The following KCNH8 variants were observed in gnomAD, a reference collection of about 807,000 sequenced individuals.
The protein encoded by KCNH8 is potassium voltage-gated channel subfamily H member 8.
KCNH8 carries 70 observed loss-of-function variants against 103.6 expected under a neutral mutation model. That is an observed-to-expected ratio of 0.68 (90% CI 0.56 to 0.82). The LOEUF (loss-of-function observed/expected upper bound fraction) is 0.82, where lower values mean the gene tolerates loss of function less well. Among genes scored for constraint, KCNH8 ranks in the 40% least tolerant of loss-of-function variants. KCNH8 has a pLI of 0.00. For missense variants in KCNH8, 1,217 were observed against 1,329.9 expected, an observed-to-expected ratio of 0.92 and a Z score of 1.32; for synonymous variants, 498 against 489.4, an observed-to-expected ratio of 1.02 and a Z score of -0.23.
At chr3:19,375,917 CG>C (rs908280972) in intron 5 of KCNH8, among the ~76,000 whole-genome samples, 20 of 152,224 alleles carry the variant, frequency 1.3e-4, no homozygotes, top group African/African-American at 3.4e-4. Context: ...TTAGGCTGCT[CG>C]GGGGTCAGGG....
At chr3:19,366,090 T>C (rs1193845971) in intron 5 of KCNH8, among the ~76,000 whole-genome samples, 1 of 152,120 alleles carries the variant, frequency 6.6e-6, no homozygotes, top group African/African-American at 2.4e-5. Context: ...GAAGCTCTAG[T>C]TGAAATGCCA....
rs767816841 is a variant in KCNH8, at chr3:19,450,102, C to G, written c.1376-4C>G. 6.2e-7 allele frequency: 1 copy of G among 1,612,540 alleles called. No individual in the cohort carries two copies. Among genetic ancestry groups the G allele is most frequent in the Non-Finnish European group, 8.5e-7 (1 of 1,179,008 alleles). On this transcript the variant is annotated splice_region_variant and splice_polypyrimidine_tract_variant and intron_variant, in intron 8 of 15. Coordinates refer to ENST00000328405, the MANE Select transcript of KCNH8 (RefSeq NM_144633.3). ...TCCATTATATACTGTGTTGTTCTTT[C>G]TAGCCTTGATGCACGCCTTGGTGTT...
chr3:19,177,030 C>T (rs147392264), intron 1 of KCNH8, among the ~76,000 whole-genome samples: 2 of 152,238 alleles, frequency 1.3e-5, no homozygotes, highest in African/African-American at 4.8e-5. Context: ...TTATCTAACA[C>T]ATGTGTTTTC....
intron 3 of KCNH8, among the ~76,000 whole-genome samples, chr3:19,340,935 T>C (rs1382730411): frequency 6.6e-6 from 1 of 152,124 alleles, no homozygotes; most frequent in Non-Finnish European, 1.5e-5. Flanking sequence ...TTTATTAAAA[T>C]GTTTTAGAGC....
At chr3:19,247,692 A>G (rs1196429497) in intron 1 of KCNH8, among the ~76,000 whole-genome samples, 1 of 152,234 alleles carries the variant, frequency 6.6e-6, no homozygotes, top group Non-Finnish European at 1.5e-5. Context: ...TACTCTTCAG[A>G]AATAAAGATT....
At chr3:19,214,037 T>TG (rs2063795592) in intron 1 of KCNH8, among the ~76,000 whole-genome samples, 1 of 152,156 alleles carries the variant, frequency 6.6e-6, no homozygotes, top group South Asian at 2.1e-4. Context: ...CGCCTGCCCG[T>TG]GGGATTAGTT....
chr3:19,152,147 T>G (rs1312116755), intron 1 of KCNH8, among the ~76,000 whole-genome samples: 1 of 151,946 alleles, frequency 6.6e-6, no homozygotes, highest in Non-Finnish European at 1.5e-5. Context: ...TCTCCATAGT[T>G]TTTTTTTAAA....
intron 8 of KCNH8, among the ~76,000 whole-genome samples, chr3:19,448,461 C>CGAA (rs2067395152): frequency 1.3e-5 from 2 of 151,822 alleles, no homozygotes; most frequent in African/African-American, 4.8e-5. Flanking sequence ...ACATAGTGAC[C>CGAA]ATTATTCCAT....
At position 19,211,552 on chromosome 3, in the gene KCNH8, C is replaced by T. The variant is rs374975330; in HGVS notation, c.77-42102C>T. Among the ~76,000 whole-genome samples, 33 of 152,268 alleles carry T rather than the reference C, an allele frequency of 2.2e-4. 2 individuals are homozygous for T. In the South Asian group the frequency reaches 2.9e-3, roughly 13 times the overall value. On this transcript the variant is annotated intron_variant, in intron 1 of 15. Transcript: ENST00000328405. The stretch of plus-strand genomic sequence containing the variant: ...GTTGAACCATCAGTGAGAAAGTTTT[C>T]TCTTTCCAATTCTCTTCAAAATTTT...
chr3:19,507,759 G>T (rs2068720438), intron 11 of KCNH8, among the ~76,000 whole-genome samples: 1 of 152,150 alleles, frequency 6.6e-6, no homozygotes, highest in Non-Finnish European at 1.5e-5. Flanking sequence ...TTGTGCTGGG[G>T]ATCTGCACCA....
intron 11 of KCNH8, among the ~76,000 whole-genome samples, chr3:19,462,384 A>C (rs1398008386): frequency 6.6e-6 from 1 of 152,182 alleles, no homozygotes; most frequent in East Asian, 1.9e-4. Context: ...GCTTTCTCTG[A>C]TGACCAGTGA....
intron 7 of KCNH8, among the ~76,000 whole-genome samples, chr3:19,396,748 T>C (rs1433204362): frequency 6.6e-6 from 1 of 152,036 alleles, no homozygotes; most frequent in Non-Finnish European, 1.5e-5. Context: ...TCTTTCGATA[T>C]TGTTTTCTTC....
chr3:19,474,877 C>A (rs1055623572), intron 11 of KCNH8, among the ~76,000 whole-genome samples: 1 of 152,118 alleles, frequency 6.6e-6, no homozygotes, highest in African/African-American at 2.4e-5. Context: ...TCCTTTGAGG[C>A]TAATATTCAG....
At chr3:19,338,320 G>A (rs375589606) in intron 3 of KCNH8, among the ~76,000 whole-genome samples, 8 of 151,720 alleles carry the variant, frequency 5.3e-5, no homozygotes, top group East Asian at 1.9e-4. Flanking sequence ...TTTGCTCCTC[G>A]ACCCTATCTT....
Position 19,456,883 on chromosome 3 carries a change from CTT to C in KCNH8, c.1943_1944del (p.Phe648Ter). Reference sequence around the variant, plus strand: ...TCCAGTGTATCATCCTCAAAGGACTCTTTGAAGTGCTAGACCTTTACCCAGAA... The same window carrying C: ...TCCAGTGTATCATCCTCAAAGGACTCTGAAGTGCTAGACCTTTACCCAGAA... ...DLQCIILKGL[F>X]EVLDLYPEYA... On this transcript the variant is annotated frameshift_variant, in exon 11 of 16. Transcript: ENST00000328405. LOFTEE classifies it high-confidence loss of function. The C allele has an allele frequency of 2.5e-6, 4 of 1,612,578 alleles. No individual in the cohort carries two copies. Among genetic ancestry groups the C allele is most frequent in the Non-Finnish European group, 3.4e-6 (4 of 1,178,998 alleles).
chr3:19,272,132 A>T (rs986042618), intron 2 of KCNH8, among the ~76,000 whole-genome samples: 1 of 152,040 alleles, frequency 6.6e-6, no homozygotes, highest in Non-Finnish European at 1.5e-5. Flanking sequence ...GGATTCATCA[A>T]ATCAAGATTA....
At position 19,397,183 on chromosome 3, in the gene KCNH8, T is replaced by G. The variant is rs1402935348; in HGVS notation, c.1177+1872T>G. ...TCTATATTTACCCCCTTACTTGTAT[T>G]CTTGGTCCTTGTATTATGGTTCAAT... On this transcript the variant is annotated intron_variant, in intron 7 of 15. Coordinates refer to ENST00000328405, the MANE Select transcript of KCNH8 (RefSeq NM_144633.3). Among the ~76,000 whole-genome samples the G allele has an allele frequency of 2.0e-5, 3 of 151,978 alleles. No homozygotes were observed. In the East Asian group the frequency reaches 5.8e-4, roughly 29 times the overall value.
chr3:19,386,705 T>G (rs1171308470), intron 5 of KCNH8, among the ~76,000 whole-genome samples: 1 of 152,146 alleles, frequency 6.6e-6, no homozygotes, highest in Non-Finnish European at 1.5e-5. Flanking sequence ...TATATATTTT[T>G]CAACGTAAGG....
intron 3 of KCNH8, among the ~76,000 whole-genome samples, chr3:19,329,169 C>A (rs561349544): frequency 6.6e-6 from 1 of 152,284 alleles, no homozygotes; most frequent in East Asian, 1.9e-4. Flanking sequence ...CCGAGGCTTC[C>A]CCACATTTCC....
Sources: gnomAD v4.1 joint callset for allele counts (sites outside exome capture counted in the v4.1 genomes callset) on GRCh38, gnomAD v4.1.1 for gene constraint, MANE v1.5 for transcripts, NCBI Gene and HGNC (gene_info 2026-07-23, HGNC 2026-07-21) for gene names.